MRPS6: variants seen among roughly 807,000 people sequenced by gnomAD.
MRPS6 encodes mitochondrial ribosomal protein S6, also known as small ribosomal subunit protein bS6m.
MRPS6 carries 6 observed loss-of-function variants against 13.1 expected under a neutral mutation model. The observed-to-expected ratio is 0.46, with a 90% CI of 0.25 to 0.91. The LOEUF is 0.91. Among genes scored for constraint, MRPS6 ranks in the 40% least tolerant of loss-of-function variants. The pLI is 0.18. For synonymous variants in MRPS6, 61 were observed against 56.5 expected, an observed-to-expected ratio of 1.08 and a Z score of -0.36; for missense variants, 164 against 155.6, an observed-to-expected ratio of 1.05 and a Z score of -0.29.
intron 1 of MRPS6, chr21:34,100,044 A>G (rs1486693993): frequency 2.0e-6 from 2 of 984,674 alleles, no homozygotes; most frequent in Non-Finnish European, 1.2e-6. Context: ...ATGGGTCCTA[A>G]ATGATGACAT....
intron 1 of MRPS6, chr21:34,105,531 G>T: frequency 1.0e-6 from 1 of 999,648 alleles, no homozygotes; most frequent in Non-Finnish European, 1.2e-6. Context: ...ATTGAAACAT[G>T]TTCTTCCCAG....
At position 34,073,652 on chromosome 21, in the gene MRPS6, G is replaced by C. The variant is rs903791161; in HGVS notation, c.-49G>C. ...TGTCCCCGCCGTCCCGCCCCTTCGC[G>C]TCCCGGGAACCGGCTGGCTTCCGAG... is the stretch of plus-strand genomic sequence containing the variant. On this transcript the variant is annotated 5_prime_UTR_variant, in exon 1 of 3. Transcript: ENST00000399312. 2.0e-6 allele frequency: 3 copies of C among 1,499,412 alleles called. No homozygotes were observed. The highest frequency in any genetic ancestry group is 2.7e-6 in the Non-Finnish European group (3 of 1,111,350). 92.9% of individuals were successfully genotyped at this position (1,499,412 alleles called of 1,614,324 possible).
chr21:34,135,913 G>T, intron 2 of MRPS6: 1 of 476,756 alleles, frequency 2.1e-6, no homozygotes, highest in South Asian at 2.4e-5. Context: ...CAGGTACTTG[G>T]CATACTTCTC....
chr21:34,109,763 G>T (rs1017314781), intron 1 of MRPS6, among the ~76,000 whole-genome samples: 1 of 151,788 alleles, frequency 6.6e-6, no homozygotes, highest in African/African-American at 2.4e-5. Flanking sequence ...CTTCCAGAAT[G>T]TTATTGCTAA....
intron 1 of MRPS6, chr21:34,102,431 T>G (rs555565031): frequency 3.0e-6 from 3 of 1,000,084 alleles, no homozygotes; most frequent in Non-Finnish European, 3.6e-6. Context: ...TTTTTTTGTT[T>G]TGGGGTAAGC....
intron 1 of MRPS6, among the ~76,000 whole-genome samples, chr21:34,077,783 G>C (rs1367214578): frequency 6.6e-6 from 1 of 152,146 alleles, no homozygotes; most frequent in Non-Finnish European, 1.5e-5. Context: ...GGTTTAATTT[G>C]AATATAGAAA....
intron 1 of MRPS6, chr21:34,103,815 G>A (rs927829676): frequency 2.0e-6 from 2 of 999,990 alleles, no homozygotes; most frequent in African/African-American, 3.5e-5. Context: ...GAATATAAAT[G>A]TCAAGAATGC....
rs138870108 is a variant in MRPS6 at position 34,114,883 on chromosome 21, C to G, written c.46-10458C>G. On this transcript the variant is annotated intron_variant, in intron 1 of 2. Coordinates refer to ENST00000399312, the MANE Select transcript of MRPS6 (RefSeq NM_032476.4). ...TGGATCTCCTATAATTATGTCTTCC[C>G]TTCTGCTCAGTGGGTTCATTTTTTA... Among the ~76,000 whole-genome samples the G allele has an allele frequency of 3.3e-3, 509 of 152,280 alleles. 3 individuals are homozygous for G. Among genetic ancestry groups the G allele is most frequent in the Non-Finnish European group, 5.0e-3 (340 of 68,026 alleles).
rs768058759 is a variant in MRPS6 at position 34,095,258 on chromosome 21, C to T, written c.45+21513C>T. ...TAGTGGCCCTGTATTTTATCCTGGT[C>T]ATGTGCATTGGTTTTTTTGCCATGT... On this transcript the variant is annotated intron_variant, in intron 1 of 2. Coordinates refer to ENST00000399312, the MANE Select transcript of MRPS6 (RefSeq NM_032476.4). The T allele has an allele frequency of 1.7e-5, 27 of 1,613,958 alleles. No homozygotes were observed. The South Asian group carries it at 2.6e-4, about 16-fold the overall frequency.
chr21:34,103,805 G>C, intron 1 of MRPS6: 1 of 1,000,152 alleles, frequency 1.0e-6, no homozygotes, highest in Non-Finnish European at 1.2e-6. Context: ...TGGAGGGAGA[G>C]AATATAAATG....
chr21:34,091,101 G>C (rs1001641468), intron 1 of MRPS6, among the ~76,000 whole-genome samples: 5 of 152,150 alleles, frequency 3.3e-5, no homozygotes, highest in African/African-American at 9.7e-5. Context: ...TTTTTCATTT[G>C]GATCAGAGGA....
intron 1 of MRPS6, among the ~76,000 whole-genome samples, chr21:34,074,277 A>T (rs1476150665): frequency 6.6e-6 from 1 of 151,864 alleles, no homozygotes; most frequent in Non-Finnish European, 1.5e-5. Flanking sequence ...GTTCCTCCAA[A>T]GCTTGTTTGT....
At chr21:34,084,002 C>A (rs1408862208) in intron 1 of MRPS6, among the ~76,000 whole-genome samples, 3 of 152,146 alleles carry the variant, frequency 2.0e-5, no homozygotes, top group Non-Finnish European at 2.9e-5. Context: ...AGAGGAAAAT[C>A]CAGCTGCCTT....
intron 1 of MRPS6, among the ~76,000 whole-genome samples, chr21:34,107,730 G>C (rs1979538106): frequency 6.6e-6 from 1 of 152,130 alleles, no homozygotes; most frequent in Non-Finnish European, 1.5e-5. Flanking sequence ...ATTCATTACT[G>C]TCATTATTTT....
intron 1 of MRPS6, chr21:34,122,543 T>A (rs1472541741): frequency 6.6e-6 from 1 of 152,128 alleles, no homozygotes; most frequent in Non-Finnish European, 1.5e-5. Context: ...AAGAAGAAAA[T>A]GTTTTTTACT....
At chr21:34,108,656 T>C (rs746698202) in intron 1 of MRPS6, among the ~76,000 whole-genome samples, 1 of 152,204 alleles carries the variant, frequency 6.6e-6, no homozygotes, top group African/African-American at 2.4e-5. Flanking sequence ...TTTTGTTGAA[T>C]CCTGTAACAC....
At chr21:34,097,806 C>T (rs928084644) in intron 1 of MRPS6, 13 of 999,732 alleles carry the variant, frequency 1.3e-5, no homozygotes, top group Non-Finnish European at 1.6e-5. Context: ...AGACATTGTA[C>T]AATCAGTTAT....
intron 1 of MRPS6, among the ~76,000 whole-genome samples, chr21:34,115,616 G>A (rs903639009): frequency 6.6e-6 from 1 of 152,174 alleles, no homozygotes; most frequent in African/African-American, 2.4e-5. Flanking sequence ...AGCCTGGATG[G>A]ACACGGAGTC....
chr21:34,080,020 C>G (rs771698691), intron 1 of MRPS6, among the ~76,000 whole-genome samples: 3 of 152,186 alleles, frequency 2.0e-5, no homozygotes, highest in Non-Finnish European at 4.4e-5. Flanking sequence ...ATAGTCTTCT[C>G]TGCCCTAGTT....
Sources: allele counts gnomAD v4.1 joint callset (sites outside exome capture counted in the v4.1 genomes callset), GRCh38; gene constraint gnomAD v4.1.1; transcripts MANE v1.5; gene names NCBI Gene and HGNC (gene_info 2026-07-23, HGNC 2026-07-21).